Variants in THSD4 observed in about 807,000 individuals in gnomAD.
THSD4 encodes the protein thrombospondin type-1 domain-containing protein 4.
THSD4 carries 69 observed loss-of-function variants against 119.0 expected under a neutral mutation model. The ratio of observed to expected loss-of-function variants is 0.58; its 90% CI spans 0.48 to 0.71. The LOEUF (loss-of-function observed/expected upper bound fraction) is 0.71, where lower values mean the gene tolerates loss of function less well. Among genes scored for constraint, THSD4 ranks in the 30% least tolerant of loss-of-function variants. The pLI is 0.00. For synonymous variants in THSD4, 524 were observed against 540.4 expected (o/e 0.97, Z 0.42); for missense variants, 1,393 against 1,391.1 (o/e 1.00, Z -0.02).
chr15:71,164,935 T>C lies in THSD4; in HGVS notation c.99+10003T>C, dbSNP rs1476478669. 8.2e-6 allele frequency: 13 copies of C among 1,581,500 alleles called. No individual in the cohort carries two copies. In the East Asian group the frequency reaches 2.9e-4, roughly 36 times the overall value. On this transcript the variant is annotated intron_variant, in intron 3 of 17. Coordinates refer to ENST00000261862, the MANE Select transcript of THSD4 (RefSeq NM_024817.3). ...CATCAGGCTTTCCTTTAGCTCGATA[T>C]GCAGCAATATCCTTTTCGTATTTTT...
At chr15:71,655,520 A>G (rs1312706054) in intron 7 of THSD4, among the ~76,000 whole-genome samples, 1 of 152,218 alleles carries the variant, frequency 6.6e-6, no homozygotes, top group Non-Finnish European at 1.5e-5. Context: ...ATAAAGACAA[A>G]GATGACAAAA....
rs987028753 is a variant in THSD4 at position 71,539,934 on chromosome 15, T to C, written c.1153-120596T>C. On this transcript the variant is annotated intron_variant, in intron 7 of 17. Transcript: ENST00000261862. ...ATTAATTAACAATTACAACACATCATGATAAATATTACACTGGAGATAATC... is the reference window on the plus strand; with the variant it reads ...ATTAATTAACAATTACAACACATCACGATAAATATTACACTGGAGATAATC... Among the ~76,000 whole-genome samples, 50 of 152,052 alleles carry C rather than the reference T, an allele frequency of 3.3e-4. 2 individuals carry two copies. The highest frequency in any genetic ancestry group is 4.4e-5 in the Non-Finnish European group (3 of 68,004).
Position 71,370,790 on chromosome 15 carries a change from A to G in THSD4, c.1016-40897A>G, listed in dbSNP as rs529566072. ...GGGGTGGAGAGTTCTGTAGATGTCTATTAGGTCCACTTGGTGCAGAGCTGA... is the reference window on the plus strand; with the variant it reads ...GGGGTGGAGAGTTCTGTAGATGTCTGTTAGGTCCACTTGGTGCAGAGCTGA... On this transcript the variant is annotated intron_variant, in intron 6 of 17. Coordinates refer to ENST00000261862, the MANE Select transcript of THSD4 (RefSeq NM_024817.3). Among the ~76,000 whole-genome samples, 13 of 152,284 alleles carry G rather than the reference A, an allele frequency of 8.5e-5. No individual in the cohort carries two copies. The East Asian group carries it at 1.2e-3, about 14-fold the overall frequency.
At chr15:71,696,277 G>C (rs1484598496) in intron 8 of THSD4, among the ~76,000 whole-genome samples, 1 of 152,182 alleles carries the variant, frequency 6.6e-6, no homozygotes, top group Non-Finnish European at 1.5e-5. Context: ...GAAGATCAGA[G>C]GAGAAGCAGA....
Position 71,745,270 on chromosome 15 carries a change from C to T in THSD4, c.2036+35C>T, listed in dbSNP as rs957955579. ...CCCCTCCATTTAGGTCGCCTATTAC[C>T]GGGTCACTTCAGGTCACTTATGCAC... On this transcript the variant is annotated intron_variant, in intron 12 of 17. Transcript: ENST00000261862. 31 of 1,610,270 alleles carry T rather than the reference C, an allele frequency of 1.9e-5. No homozygotes were observed. In the African/African-American group the frequency reaches 3.5e-4, roughly 18 times the overall value.
intron 7 of THSD4, among the ~76,000 whole-genome samples, chr15:71,521,049 A>G (rs1310179211): frequency 6.6e-6 from 1 of 152,224 alleles, no homozygotes; most frequent in African/African-American, 2.4e-5. Flanking sequence ...AGCATCAGAG[A>G]CGAACCTGAA....
At chr15:71,714,506 T>C (rs2052570223) in intron 8 of THSD4, among the ~76,000 whole-genome samples, 1 of 152,186 alleles carries the variant, frequency 6.6e-6, no homozygotes, top group African/African-American at 2.4e-5. Context: ...TAAAATTAAA[T>C]ATAGCTAAAA....
chr15:71,099,858 G>A (rs960089868), intron 1 of THSD4, among the ~76,000 whole-genome samples: 20 of 152,102 alleles, frequency 1.3e-4, no homozygotes, highest in African/African-American at 4.6e-4. Context: ...CCATTGGGAG[G>A]CAGAGGTGGA....
At chr15:71,538,404 A>G (rs2048714741) in intron 7 of THSD4, among the ~76,000 whole-genome samples, 1 of 83,008 alleles carries the variant, frequency 1.2e-5, no homozygotes, top group African/African-American at 3.7e-5. Flanking sequence ...ATCCCTCTAC[A>G]TGTTTAGTCA....
At chr15:71,366,511 C>T (rs2045967080) in intron 6 of THSD4, among the ~76,000 whole-genome samples, 2 of 152,128 alleles carry the variant, frequency 1.3e-5, no homozygotes, top group African/African-American at 2.4e-5. Context: ...TCTTCTGAGG[C>T]TCCTCCTGGG....
chr15:71,199,558 ATGTG>A (rs2043755756), intron 3 of THSD4, among the ~76,000 whole-genome samples: 1 of 42,694 alleles, frequency 2.3e-5, no homozygotes, highest in African/African-American at 1.1e-4. Context: ...TGGTGTGTGT[ATGTG>A]GTGTGTGTGT....
intron 3 of THSD4, among the ~76,000 whole-genome samples, chr15:71,190,244 G>A (rs1485123396): frequency 1.3e-5 from 2 of 152,162 alleles, no homozygotes; most frequent in Non-Finnish European, 2.9e-5. Flanking sequence ...CATTCTAACC[G>A]ACACTTCCAA....
chr15:71,249,915 A>G (rs1193267049), intron 5 of THSD4, among the ~76,000 whole-genome samples: 1 of 152,208 alleles, frequency 6.6e-6, no homozygotes, highest in East Asian at 1.9e-4. Flanking sequence ...GCTGATCTAC[A>G]CTAGCCACAT....
chr15:71,260,003 G>A (rs945840744), intron 6 of THSD4, among the ~76,000 whole-genome samples: 2 of 152,178 alleles, frequency 1.3e-5, no homozygotes, highest in African/African-American at 4.8e-5. Context: ...TGTGCGTTCT[G>A]TAATTTCCCC....
rs1350513506 is a variant in THSD4, at chr15:71,615,524, G to A, written c.1153-45006G>A. ...TATACTATATAATGTACCTTACACA[G>A]AATGAATATTTTTTTAAACAGAAGC... On this transcript the variant is annotated intron_variant, in intron 7 of 17. Transcript: ENST00000261862. Among the ~76,000 whole-genome samples the A allele has an allele frequency of 1.3e-5, 2 of 152,170 alleles. 1 individual carries two copies. The highest frequency in any genetic ancestry group is 1.3e-4 in the Admixed American group (2 of 15,288).
At chr15:71,717,207 G>A (rs1407458509) in intron 8 of THSD4, among the ~76,000 whole-genome samples, 1 of 152,190 alleles carries the variant, frequency 6.6e-6, no homozygotes, top group African/African-American at 2.4e-5. Context: ...TACTGACACT[G>A]TGGACTATAA....
chr15:71,561,376 T>C (rs912311294), intron 7 of THSD4, among the ~76,000 whole-genome samples: 3 of 152,174 alleles, frequency 2.0e-5, no homozygotes, highest in African/African-American at 4.8e-5. Flanking sequence ...ATATGCTCAA[T>C]GAATGGCAGC....
In THSD4 at chr15:71,737,745, T is replaced by A; in HGVS notation, c.1644T>A (p.Asn548Lys). The stretch of plus-strand genomic sequence containing the variant: ...CACCTCTCCTAGGGGAACCCTTCAA[T>A]GGCCAGATGGTGACAGAAGGCAGGA... ...PPHRRPGEPF[N>K]GQMVTEGRSQ... Residue 548 changes from asparagine to lysine, a missense_variant, in exon 11 of 18, where the codon AAT (asparagine) becomes AAA (lysine). Coordinates refer to ENST00000261862, the MANE Select transcript of THSD4 (RefSeq NM_024817.3). The A allele has an allele frequency of 6.2e-7, 1 of 1,610,542 alleles. No individual in the cohort carries two copies. The highest frequency in any genetic ancestry group is 8.5e-7 in the Non-Finnish European group (1 of 1,178,124).
At chr15:71,386,369 A>G (rs898604470) in intron 6 of THSD4, among the ~76,000 whole-genome samples, 1 of 152,178 alleles carries the variant, frequency 6.6e-6, no homozygotes, top group African/African-American at 2.4e-5. Context: ...GGACTAACAT[A>G]AGGATGTACA....
Sources: allele counts gnomAD v4.1 joint callset (sites outside exome capture counted in the v4.1 genomes callset), GRCh38; gene constraint gnomAD v4.1.1; transcripts MANE v1.5; gene names NCBI Gene and HGNC (gene_info 2026-07-23, HGNC 2026-07-21).